CNTNAP4: variants seen among roughly 807,000 people sequenced by gnomAD.
CNTNAP4 encodes the protein contactin-associated protein-like 4.
A neutral mutation model predicts 148.4 loss-of-function variants in CNTNAP4; 98 were observed. The observed-to-expected ratio is 0.66, with a 90% confidence interval of 0.56 to 0.78. The LOEUF (loss-of-function observed/expected upper bound fraction) is 0.78. CNTNAP4 is among the 30% of genes least tolerant of loss of function. The pLI is 0.00. For missense variants in CNTNAP4, 1,935 were observed against 1,565.6 expected, an observed-to-expected ratio of 1.24 and a Z score of -3.98; for synonymous variants, 730 against 565.1, an observed-to-expected ratio of 1.29 and a Z score of -4.14.
At chr16:76,394,643 A>G (rs957757093) in intron 3 of CNTNAP4, among the ~76,000 whole-genome samples, 1 of 152,210 alleles carries the variant, frequency 6.6e-6, no homozygotes, top group Non-Finnish European at 1.5e-5. Context: ...TTATTTAAAC[A>G]TAAATTACAA....
intron 2 of CNTNAP4, among the ~76,000 whole-genome samples, chr16:76,319,485 TG>T (rs748260588): frequency 3.4e-4 from 52 of 152,290 alleles, no homozygotes; most frequent in Non-Finnish European, 6.3e-4. Context: ...TGTGCTGTTT[TG>T]GGTTGAATTG....
chr16:76,304,902 C>A (rs1960327094), intron 1 of CNTNAP4, among the ~76,000 whole-genome samples: 1 of 152,166 alleles, frequency 6.6e-6, no homozygotes, highest in African/African-American at 2.4e-5. Flanking sequence ...TACTCAATCT[C>A]ATTTCTTGGG....
At chr16:76,386,340 A>T (rs937022357) in intron 3 of CNTNAP4, among the ~76,000 whole-genome samples, 91 of 152,332 alleles carry the variant, frequency 6.0e-4, no homozygotes, top group African/African-American at 1.9e-3. Flanking sequence ...GCAATTTTTT[A>T]AAATTGGAAA....
intron 1 of CNTNAP4, among the ~76,000 whole-genome samples, chr16:76,315,852 C>G (rs1961681000): frequency 1.3e-5 from 2 of 152,110 alleles, no homozygotes; most frequent in African/African-American, 4.8e-5. Flanking sequence ...GCCTCAGCCT[C>G]CCAAAGTGCT....
At chr16:76,466,565 A>G (rs1209693718) in intron 9 of CNTNAP4, among the ~76,000 whole-genome samples, 1 of 152,148 alleles carries the variant, frequency 6.6e-6, no homozygotes, top group Non-Finnish European at 1.5e-5. Context: ...AAAAAATGTA[A>G]TATATGTATT....
chr16:76,492,509 A>G (rs1039277952), intron 13 of CNTNAP4, among the ~76,000 whole-genome samples: 1 of 146,852 alleles, frequency 6.8e-6, no homozygotes, highest in African/African-American at 2.4e-5. Flanking sequence ...GAGAGTGTTG[A>G]GCAAACACCA....
At chr16:76,278,532 C>G (rs962257879) in intron 1 of CNTNAP4, among the ~76,000 whole-genome samples, 4 of 152,210 alleles carry the variant, frequency 2.6e-5, no homozygotes, top group Non-Finnish European at 5.9e-5. Context: ...TTGGCAGACT[C>G]CCTTCATCCA....
intron 3 of CNTNAP4, among the ~76,000 whole-genome samples, chr16:76,396,565 G>T (rs561451536): frequency 6.6e-6 from 1 of 151,852 alleles, no homozygotes; most frequent in African/African-American, 2.4e-5. Flanking sequence ...GAGTGGTTTT[G>T]TTTTTGTTTT....
Position 76,560,015 on chromosome 16 carries a change from G to A in CNTNAP4, c.*1332G>A, listed in dbSNP as rs989179126. Among the ~76,000 whole-genome samples the A allele has an allele frequency of 1.3e-5, 2 of 152,136 alleles. No homozygotes were observed. Among genetic ancestry groups the A allele is most frequent in the African/African-American group, 4.8e-5 (2 of 41,440 alleles). On this transcript the variant is annotated 3_prime_UTR_variant, in exon 24 of 24. Transcript: ENST00000611870. ...TCCAACTTGCTGAATGGTACATTCT[G>A]ATTAGGGTGTATTATACACTAGGAG...
chr16:76,476,878 T>C (rs1038537884), intron 11 of CNTNAP4, among the ~76,000 whole-genome samples: 5 of 152,158 alleles, frequency 3.3e-5, no homozygotes, highest in South Asian at 2.1e-4. Context: ...ATAATTCTTA[T>C]GTTATCTTGC....
At chr16:76,421,227 T>C (rs1367278643) in intron 3 of CNTNAP4, among the ~76,000 whole-genome samples, 1 of 152,068 alleles carries the variant, frequency 6.6e-6, no homozygotes, top group Admixed American at 6.6e-5. Flanking sequence ...TCATTAATAA[T>C]TGTGTTCCTT....
chr16:76,456,959 C>G (rs1243809225), intron 8 of CNTNAP4, among the ~76,000 whole-genome samples: 4 of 152,046 alleles, frequency 2.6e-5, no homozygotes, highest in African/African-American at 9.7e-5. Context: ...TTAAATGATA[C>G]TATGCATAGA....
At chr16:76,515,571 CTG>C (rs1162325995) in intron 15 of CNTNAP4, among the ~76,000 whole-genome samples, 1 of 152,180 alleles carries the variant, frequency 6.6e-6, no homozygotes, top group Admixed American at 6.5e-5. Context: ...GCCTCCAGCA[CTG>C]TGAGAAATAA....
At chr16:76,378,677 G>A (rs73615718) in intron 3 of CNTNAP4, among the ~76,000 whole-genome samples, 1 of 152,138 alleles carries the variant, frequency 6.6e-6, no homozygotes, top group African/African-American at 2.4e-5. Context: ...TGCAGTCTCA[G>A]CCCTGACCAC....
At chr16:76,482,432 A>ATTTT (rs57722242) in intron 12 of CNTNAP4, among the ~76,000 whole-genome samples, 9 of 130,670 alleles carry the variant, frequency 6.9e-5, no homozygotes, top group Non-Finnish European at 1.3e-4. Flanking sequence ...GTTTTACACA[A>ATTTT]TTTTTTTTTT....
chr16:76,515,745 T>C (rs1028652343), intron 15 of CNTNAP4, among the ~76,000 whole-genome samples: 5 of 151,838 alleles, frequency 3.3e-5, no homozygotes, highest in African/African-American at 1.2e-4. Flanking sequence ...GCTAGGCAAA[T>C]GCATATTACA....
At chr16:76,510,780 T>G (rs59482659) in intron 15 of CNTNAP4, among the ~76,000 whole-genome samples, 1,965 of 152,292 alleles carry the variant, frequency 0.013, 36 homozygotes, top group African/African-American at 0.044. Flanking sequence ...TGAAAGTGTC[T>G]GCCTATTGCC....
chr16:76,401,477 C>T (rs1380544118), intron 3 of CNTNAP4, among the ~76,000 whole-genome samples: 1 of 152,138 alleles, frequency 6.6e-6, no homozygotes, highest in Non-Finnish European at 1.5e-5. Context: ...GATATAGAAT[C>T]ATGTCATCTG....
At chr16:76,316,364 A>T in intron 1 of CNTNAP4, 49 bp from the exon 2 acceptor site, 1 of 1,228,528 alleles carries the variant, frequency 8.1e-7, no homozygotes, top group Non-Finnish European at 1.2e-6. Flanking sequence ...TGATTCCACG[A>T]AAGCCTCAGC....
Sources: allele counts gnomAD v4.1 joint callset (sites outside exome capture counted in the v4.1 genomes callset), GRCh38; gene constraint gnomAD v4.1.1; transcripts MANE v1.5; gene names NCBI Gene and HGNC (gene_info 2026-07-23, HGNC 2026-07-21).